Variants in BACH2 observed in about 807,000 individuals in gnomAD.
The protein encoded by BACH2 is BACH transcriptional regulator 2, also known as transcription regulator protein BACH2.
A neutral mutation model predicts 61.8 loss-of-function variants in BACH2; 5 were observed. The ratio of observed to expected loss-of-function variants is 0.08; its 90% CI spans 0.04 to 0.17. The LOEUF (loss-of-function observed/expected upper bound fraction) is 0.17, where lower values mean the gene tolerates loss of function less well. Ranked by LOEUF, BACH2 falls within the 10% of genes least tolerant of loss-of-function variation. The pLI is 1.00. For synonymous variants in BACH2, 446 were observed against 440.1 expected (o/e 1.01, Z -0.17); for missense variants, 824 against 1,091.1 (o/e 0.76, Z 3.45).
chr6:90,147,666 G>GA (rs759026808), intron 4 of BACH2, among the ~76,000 whole-genome samples: 66 of 151,424 alleles, frequency 4.4e-4, no homozygotes, highest in Admixed American at 5.3e-4. Flanking sequence ...TAGTCAATTA[G>GA]AAAAAAAAAT....
At chr6:90,034,038 C>G (rs565022190) in intron 5 of BACH2, among the ~76,000 whole-genome samples, 1 of 152,278 alleles carries the variant, frequency 6.6e-6, no homozygotes, top group South Asian at 2.1e-4. Context: ...TTAGACCACA[C>G]TGTGTCTATA....
rs1256103520 is a variant in BACH2 at position 90,125,757 on chromosome 6, C to T, written c.-161-36648G>A. ...CCTGCTTTGTCACACAGGCACCCACCTTGGGCTCCATACCCAGCACACGCA... is the reference window on the plus strand; with the variant it reads ...CCTGCTTTGTCACACAGGCACCCACTTTGGGCTCCATACCCAGCACACGCA... On this transcript the variant is annotated intron_variant, in intron 4 of 8. Transcript: ENST00000257749. Among the ~76,000 whole-genome samples the T allele has an allele frequency of 2.6e-5, 4 of 152,206 alleles. No homozygotes were observed. In the South Asian group the frequency reaches 8.3e-4, roughly 32 times the overall value.
At chr6:90,050,856 A>G (rs1317743929) in intron 5 of BACH2, among the ~76,000 whole-genome samples, 1 of 150,988 alleles carries the variant, frequency 6.6e-6, no homozygotes, top group Admixed American at 6.6e-5. Context: ...TGCAACCTCC[A>G]TCTCCTGGGT....
chr6:89,954,277 T>C (rs1453153493), intron 6 of BACH2, among the ~76,000 whole-genome samples: 1 of 151,388 alleles, frequency 6.6e-6, no homozygotes, highest in Non-Finnish European at 1.5e-5. Flanking sequence ...CAATGCTATT[T>C]ATACTGTTCA....
intron 7 of BACH2, among the ~76,000 whole-genome samples, chr6:89,941,845 A>G (rs918413229): frequency 2.6e-5 from 4 of 152,174 alleles, no homozygotes; most frequent in Admixed American, 2.0e-4. Flanking sequence ...AGTCAAAAGG[A>G]TGTCTATACC....
chr6:90,115,636 A>T (rs1470342253), intron 4 of BACH2, among the ~76,000 whole-genome samples: 1 of 152,218 alleles, frequency 6.6e-6, no homozygotes, highest in Non-Finnish European at 1.5e-5. Flanking sequence ...AAAGACACCA[A>T]GAGCAATTGC....
chr6:90,290,250 G>C (rs751177798), intron 1 of BACH2, among the ~76,000 whole-genome samples: 5 of 152,154 alleles, frequency 3.3e-5, no homozygotes, highest in Non-Finnish European at 5.9e-5. Flanking sequence ...CCAACCTCCC[G>C]ACCAGGTTAA....
At chr6:90,050,774 A>T (rs1582267649) in intron 5 of BACH2, among the ~76,000 whole-genome samples, 1 of 147,052 alleles carries the variant, frequency 6.8e-6, no homozygotes, top group African/African-American at 2.5e-5. Flanking sequence ...GTTCTCGGTA[A>T]TTTTTTTTTT....
intron 3 of BACH2, among the ~76,000 whole-genome samples, chr6:90,218,623 GAGA>G (rs932162628): frequency 2.6e-5 from 4 of 151,928 alleles, no homozygotes; most frequent in African/African-American, 4.8e-5. Context: ...CAGGAGGGAG[GAGA>G]AGAATTGCTT....
rs1279732239 is a variant in BACH2 at position 89,950,324 on chromosome 6, T to C, written c.1782A>G (p.Gly594=). 1 of 1,614,116 alleles carries C rather than the reference T, an allele frequency of 6.2e-7. No homozygotes were observed. The highest frequency in any genetic ancestry group is 8.5e-7 in the Non-Finnish European group (1 of 1,180,026). The change falls in exon 7 of 9, where the codon GGA becomes GGG. Residue 594 remains glycine, a synonymous_variant. Transcript: ENST00000257749. The surrounding 1 kb of genome is among the most constrained non-coding windows in gnomAD (Gnocchi z 5.3). ...ACTCACTGTCTGCTTCCGAGAACGA[T>C]CCGGATTCGTCACTGGAGTTGGTTC... ...SYGTNSSDES[G]SFSEADSESC... is the part of the protein sequence containing the mutation.
intron 5 of BACH2, among the ~76,000 whole-genome samples, chr6:90,087,294 A>G (rs1781972699): frequency 6.6e-6 from 1 of 152,198 alleles, no homozygotes; most frequent in Admixed American, 6.5e-5. Context: ...AATGTTATAA[A>G]TCACAGTGCT....
At chr6:90,106,952 G>A (rs895001576) in intron 4 of BACH2, among the ~76,000 whole-genome samples, 5 of 152,170 alleles carry the variant, frequency 3.3e-5, no homozygotes, top group African/African-American at 7.2e-5. Context: ...AAGTCTTCTC[G>A]CTGGATAGTT....
At chr6:90,054,517 G>T (rs923834072) in intron 5 of BACH2, among the ~76,000 whole-genome samples, 4 of 152,230 alleles carry the variant, frequency 2.6e-5, no homozygotes, top group Admixed American at 2.6e-4. Flanking sequence ...AAGGAGGCCT[G>T]CCTGCCTCTG....
chr6:90,239,860 A>T (rs1435795998), intron 3 of BACH2, among the ~76,000 whole-genome samples: 1 of 151,824 alleles, frequency 6.6e-6, no homozygotes, highest in East Asian at 1.9e-4. Context: ...CTATTCACAT[A>T]CAGAAATATA....
At chr6:89,977,565 T>C (rs1310019642) in intron 6 of BACH2, among the ~76,000 whole-genome samples, 1 of 152,216 alleles carries the variant, frequency 6.6e-6, no homozygotes, top group East Asian at 1.9e-4. Context: ...TAAGAACCAC[T>C]GGAGAAGAAT....
intron 5 of BACH2, among the ~76,000 whole-genome samples, chr6:90,040,487 C>G (rs1486810314): frequency 6.6e-6 from 1 of 151,680 alleles, no homozygotes; most frequent in Non-Finnish European, 1.5e-5. Context: ...ATCTAAAGAG[C>G]AATTTTCTCT....
At chr6:90,251,914 T>C (rs769499454) in intron 3 of BACH2, among the ~76,000 whole-genome samples, 8 of 152,154 alleles carry the variant, frequency 5.3e-5, no homozygotes, top group Non-Finnish European at 1.2e-4. Context: ...TCTGAGTTGT[T>C]TTTCCAGGGG....
At chr6:90,152,201 G>A (rs1029987083) in intron 4 of BACH2, among the ~76,000 whole-genome samples, 3 of 152,130 alleles carry the variant, frequency 2.0e-5, no homozygotes, top group Non-Finnish European at 1.5e-5. Flanking sequence ...CTGCATTCCC[G>A]GGCATATAAT....
At chr6:90,117,920 A>G (rs1191912059) in intron 4 of BACH2, among the ~76,000 whole-genome samples, 1 of 152,146 alleles carries the variant, frequency 6.6e-6, no homozygotes, top group African/African-American at 2.4e-5. Flanking sequence ...CTTTTCCTCT[A>G]AAGTCTTTTT....
Sources: gnomAD v4.1 joint callset for allele counts (sites outside exome capture counted in the v4.1 genomes callset) on GRCh38, gnomAD v4.1.1 for gene constraint, Gnocchi (gnomAD v3.1) non-coding constraint, MANE v1.5 for transcripts, NCBI Gene and HGNC (gene_info 2026-07-23, HGNC 2026-07-21) for gene names.